FKBP15: variants seen among roughly 807,000 people sequenced by gnomAD.
FKBP15 encodes FKBP prolyl isomerase family member 15, also known as FK506-binding protein 15.
Under a neutral mutation model 158.1 loss-of-function variants are expected in FKBP15, and 106 were observed. The observed-to-expected ratio is 0.67, with a 90% CI of 0.57 to 0.79. The LOEUF is 0.79. Among genes scored for constraint, FKBP15 ranks in the 30% least tolerant of loss-of-function variants. The pLI is 0.00. For missense variants in FKBP15, 1,287 were observed against 1,479.1 expected (o/e 0.87, Z 2.13); for synonymous variants, 547 against 548.6 (o/e 1.00, Z 0.04).
chr9:113,216,145 G>T (rs1479294444), intron 1 of FKBP15, among the ~76,000 whole-genome samples: 1 of 146,710 alleles, frequency 6.8e-6, no homozygotes, highest in East Asian at 2.0e-4. Context: ...AAAAAAAGGG[G>T]GTATGCCCAG....
At chr9:113,182,022 A>AT (rs1162411712) in intron 19 of FKBP15, among the ~76,000 whole-genome samples, 1 of 152,230 alleles carries the variant, frequency 6.6e-6, no homozygotes, top group Non-Finnish European at 1.5e-5. Context: ...GAAGACAAAG[A>AT]TTAGCATAAG....
chr9:113,220,027 T>G (rs1831218746), intron 1 of FKBP15, among the ~76,000 whole-genome samples: 1 of 152,172 alleles, frequency 6.6e-6, no homozygotes, highest in African/African-American at 2.4e-5. Context: ...AGAAGGCCAG[T>G]GTCATTTTAT....
In FKBP15 at chr9:113,206,698, G is replaced by A. The variant is rs1830893679; in HGVS notation, c.255-120C>T. On this transcript the variant is annotated intron_variant, in intron 3 of 27. Transcript: ENST00000238256. ...ATTCAGCCTCTAGGCAGGGACACAGGTGAGCGGTTTAAAATTTTTTTTTTT... is the reference window on the plus strand; with the variant it reads ...ATTCAGCCTCTAGGCAGGGACACAGATGAGCGGTTTAAAATTTTTTTTTTT... The A allele has an allele frequency of 1.4e-5, 9 of 621,190 alleles. No homozygotes were observed. The Admixed American group carries it at 2.7e-4, about 19-fold the overall frequency. 38.5% of individuals were successfully genotyped at this position (621,190 alleles called of 1,614,324 possible). A position where few individuals can be genotyped will look rare whatever the true frequency, so the allele number is the denominator to read the frequency against.
In FKBP15 at chr9:113,188,430, A is replaced by G; in HGVS notation, c.1235T>C (p.Leu412Pro). 1 of 1,613,962 alleles carries G rather than the reference A, an allele frequency of 6.2e-7. No homozygotes were observed. The highest frequency in any genetic ancestry group is 2.2e-5 in the East Asian group (1 of 44,880). ...PVVTPSVQPSLHPAHPALPQM... is the reference protein window; with the variant it reads ...PVVTPSVQPSPHPAHPALPQM... ...TGGTAACGCTGGATGGGCCGGATGA[A>G]GAGAGGGCTGGACGGACGGAGTCAC... The change falls in exon 13 of 28, where the codon CTT becomes CCT. Residue 412 changes from leucine (L) to proline (P), a missense_variant. Coordinates refer to ENST00000238256, the MANE Select transcript of FKBP15 (RefSeq NM_015258.2).
rs1256881411 is a variant in FKBP15, at chr9:113,198,641, A to G, written c.717+214T>C. Among the ~76,000 whole-genome samples the G allele has an allele frequency of 1.3e-5, 2 of 152,184 alleles. No homozygotes were observed. The highest frequency in any genetic ancestry group is 3.9e-4 in the East Asian group (2 of 5,188). ...GTGGCGCATGCCTGTAATCCCAGCT[A>G]CTAGGGAGGCTGAGGCAGGAGAATC... On this transcript the variant is annotated intron_variant, in intron 8 of 27. Transcript: ENST00000238256. The surrounding 1 kb of genome is among the most constrained non-coding windows in gnomAD (Gnocchi z 5.2).
chr9:113,175,363 T>C (rs1830283889), intron 21 of FKBP15, among the ~76,000 whole-genome samples: 1 of 152,116 alleles, frequency 6.6e-6, no homozygotes, highest in Non-Finnish European at 1.5e-5. Context: ...TTAGAAGGAA[T>C]TGGTTAAAAA....
At chr9:113,205,834 C>T (rs1830875028) in intron 4 of FKBP15, among the ~76,000 whole-genome samples, 1 of 152,012 alleles carries the variant, frequency 6.6e-6, no homozygotes, top group Non-Finnish European at 1.5e-5. Flanking sequence ...TATTTTTCAG[C>T]CATGAAAAGG....
chr9:113,177,184 A>G (rs1830315012), intron 20 of FKBP15, among the ~76,000 whole-genome samples: 1 of 152,236 alleles, frequency 6.6e-6, no homozygotes. Flanking sequence ...TTTGGCCACC[A>G]TCTTAACACA....
intron 3 of FKBP15, 69 bp downstream of exon 3, chr9:113,207,143 C>T (rs4548256): frequency 0.16 from 203,809 of 1,236,684 alleles, 17,436 homozygotes; most frequent in African/African-American, 0.33. Context: ...AGAGGTTTTT[C>T]GAGAAAAAGT....
chr9:113,199,993 G>A, intron 6 of FKBP15, 30 bp from the exon 7 acceptor site: 1 of 1,599,858 alleles, frequency 6.3e-7, no homozygotes, highest in Non-Finnish European at 8.5e-7. Context: ...CAGCATAAAT[G>A]TAGTTTAAGC....
At chr9:113,182,285 G>GA (rs1311607629) in intron 19 of FKBP15, among the ~76,000 whole-genome samples, 1 of 152,176 alleles carries the variant, frequency 6.6e-6, no homozygotes, top group Non-Finnish European at 1.5e-5. Flanking sequence ...GCGAGCTTCA[G>GA]AATCAGCAGA....
intron 3 of FKBP15, 21 bp from the exon 4 acceptor site, chr9:113,206,599 A>G: frequency 3.1e-6 from 5 of 1,599,294 alleles, no homozygotes; most frequent in Non-Finnish European, 4.3e-6. Flanking sequence ...AAGAGAAACA[A>G]CAAGTATTAA....
intron 27 of FKBP15, among the ~76,000 whole-genome samples, chr9:113,166,377 CTTTG>C (rs909269536): frequency 5.9e-5 from 9 of 152,336 alleles, no homozygotes; most frequent in African/African-American, 1.9e-4. Flanking sequence ...AAAAGATGAA[CTTTG>C]TTTGGCTAAT....
At chr9:113,205,339 T>G (rs1463461813) in intron 4 of FKBP15, among the ~76,000 whole-genome samples, 2 of 152,144 alleles carry the variant, frequency 1.3e-5, no homozygotes, top group African/African-American at 4.8e-5. Context: ...ACAATCCAAT[T>G]TTTAAAATGG....
At chr9:113,213,385 G>T (rs1422563924) in intron 1 of FKBP15, among the ~76,000 whole-genome samples, 1 of 151,610 alleles carries the variant, frequency 6.6e-6, no homozygotes, top group Non-Finnish European at 1.5e-5. Flanking sequence ...CTCCAGCCTA[G>T]GCAACGAGAG....
intron 7 of FKBP15, among the ~76,000 whole-genome samples, chr9:113,199,521 G>A (rs1587968401): frequency 1.3e-5 from 2 of 152,294 alleles, no homozygotes; most frequent in Non-Finnish European, 2.9e-5. Flanking sequence ...ATATATTCAA[G>A]TGTAAAACTG....
chr9:113,177,896 T>C (rs1048344633), intron 20 of FKBP15, among the ~76,000 whole-genome samples: 19 of 152,250 alleles, frequency 1.2e-4, no homozygotes, highest in Middle Eastern at 6.8e-3. Context: ...CTAACACTAA[T>C]ATGGAGGAGA....
At chr9:113,214,856 T>C (rs924160206) in intron 1 of FKBP15, among the ~76,000 whole-genome samples, 3 of 152,254 alleles carry the variant, frequency 2.0e-5, no homozygotes, top group African/African-American at 4.8e-5. Flanking sequence ...ACTTGCTCCT[T>C]CATCTAGCAC....
chr9:113,187,863 G>A lies in FKBP15; in HGVS notation c.1313C>T (p.Ser438Phe), dbSNP rs761014531. 2 of 1,613,942 alleles carry A rather than the reference G, an allele frequency of 1.2e-6. No homozygotes were observed. Among genetic ancestry groups the A allele is most frequent in the Non-Finnish European group, 1.7e-6 (2 of 1,179,832 alleles). Residue 438 changes from serine (S) to phenylalanine (F), a missense_variant, in exon 14 of 28, where the codon TCT becomes TTT. Coordinates refer to ENST00000238256, the MANE Select transcript of FKBP15 (RefSeq NM_015258.2). ...AGATGACACTTGCATTAAGGCAGCA[G>A]AAGGTGCCTGGAGCCCAGTAACAGA... ...QPSVTGLQAPSAALMQVSSLD... is the reference protein window; with the variant it reads ...QPSVTGLQAPFAALMQVSSLD...
Sources: allele counts gnomAD v4.1 joint callset (sites outside exome capture counted in the v4.1 genomes callset), GRCh38; gene constraint gnomAD v4.1.1; non-coding constraint Gnocchi (gnomAD v3.1); transcripts MANE v1.5; gene names NCBI Gene and HGNC (gene_info 2026-07-23, HGNC 2026-07-21).